The following KDM5B variants were observed in gnomAD, a reference collection of about 807,000 sequenced individuals.
KDM5B encodes lysine-specific demethylase 5B.
In KDM5B, 144 loss-of-function variants were observed where a neutral mutation model predicts 193.4. That is an observed-to-expected ratio of 0.74 (90% CI 0.65 to 0.86). The LOEUF (loss-of-function observed/expected upper bound fraction) is 0.86. Among genes scored for constraint, KDM5B ranks in the 40% least tolerant of loss-of-function variants. The pLI, the probability that KDM5B is intolerant of heterozygous loss-of-function variation, is 0.00. For synonymous variants in KDM5B, 668 were observed against 682.6 expected, an observed-to-expected ratio of 0.98 and a Z score of 0.33; for missense variants, 1,833 against 1,886.9, an observed-to-expected ratio of 0.97 and a Z score of 0.53.
rs529025098 is a variant in KDM5B, at chr1:202,736,267, T to C, written c.3210A>G (p.Lys1070=). Residue 1070 remains lysine, a synonymous_variant, in exon 21 of 27, where the codon AAA becomes AAG. Coordinates refer to ENST00000367265, the MANE Select transcript of KDM5B (RefSeq NM_006618.5). ...ETLVAEVQAW[K]ECAVNTFLTE... Reference sequence around the variant, plus strand: ...TCAAGAATGTATTAACAGCACATTCTTTCCAAGCCTGAACCTCAGCTACTA... The same window carrying C: ...TCAAGAATGTATTAACAGCACATTCCTTCCAAGCCTGAACCTCAGCTACTA... 1.9e-6 allele frequency: 3 copies of C among 1,610,142 alleles called. No individual in the cohort carries two copies. The South Asian group carries it at 3.3e-5, about 18-fold the overall frequency.
chr1:202,730,765 A>C (rs1424801630), intron 25 of KDM5B, 144 bp downstream of exon 25: 1 of 700,294 alleles, frequency 1.4e-6, no homozygotes, highest in African/African-American at 1.8e-5. Flanking sequence ...AGTATCCTTC[A>C]ACTAAGTCAG....
At chr1:202,760,061 C>A (rs1197249780) in intron 8 of KDM5B, among the ~76,000 whole-genome samples, 2 of 152,204 alleles carry the variant, frequency 1.3e-5, no homozygotes, top group East Asian at 3.9e-4. Flanking sequence ...ACCTGTAATC[C>A]CAGCAATTTG....
chr1:202,729,265 C>A, intron 26 of KDM5B, 92 bp from the exon 27 acceptor site: 1 of 1,385,488 alleles, frequency 7.2e-7, no homozygotes, highest in South Asian at 1.2e-5. Flanking sequence ...GGCCGTTTGC[C>A]AATAACAGCC....
chr1:202,783,456 G>T (rs562216101), intron 1 of KDM5B, among the ~76,000 whole-genome samples: 1 of 151,928 alleles, frequency 6.6e-6, no homozygotes, highest in Non-Finnish European at 1.5e-5. Context: ...AGTGAGCCAC[G>T]ATCATGCTAC....
chr1:202,744,698 A>G (rs1301610025), intron 16 of KDM5B, among the ~76,000 whole-genome samples: 11 of 152,246 alleles, frequency 7.2e-5, no homozygotes, highest in Admixed American at 1.3e-4. Context: ...CACTGTTGGT[A>G]GAAGTGTAAA....
At chr1:202,776,255 T>C (rs1656950325) in intron 2 of KDM5B, 1 of 152,088 alleles carries the variant, frequency 6.6e-6, no homozygotes, top group South Asian at 2.1e-4. Flanking sequence ...TTTAATTGAC[T>C]TTTTTAAAAA....
chr1:202,754,596 A>C lies in KDM5B; in HGVS notation c.1538+675T>G, dbSNP rs1437677287. 2.0e-5 allele frequency among the ~76,000 whole-genome samples: 3 copies of C among 152,340 alleles called. No individual in the cohort carries two copies. In the East Asian group the frequency reaches 5.8e-4, roughly 29 times the overall value. On this transcript the variant is annotated intron_variant, in intron 11 of 26. Coordinates refer to ENST00000367265, the MANE Select transcript of KDM5B (RefSeq NM_006618.5). ...CCTACTATAATTCACGCTTCTCCCA[A>C]AGGGGTATCCAGGCTAGCACTGCCA... is the stretch of plus-strand genomic sequence containing the variant.
chr1:202,755,492 T>C (rs781405152), intron 10 of KDM5B, 40 bp from the exon 11 acceptor site: 8 of 1,479,574 alleles, frequency 5.4e-6, no homozygotes, highest in East Asian at 4.6e-5. Flanking sequence ...GGTTTAGCTA[T>C]ACAATGCTAA....
chr1:202,768,473 C>A (rs1656566908), intron 4 of KDM5B, among the ~76,000 whole-genome samples: 1 of 152,106 alleles, frequency 6.6e-6, no homozygotes, highest in Non-Finnish European at 1.5e-5. Context: ...ATGAGATTCG[C>A]CCCTTTCCCC....
chr1:202,775,729 G>A (rs114474990), intron 2 of KDM5B, among the ~76,000 whole-genome samples: 8,747 of 146,874 alleles, frequency 0.06, 446 homozygotes, highest in East Asian at 0.25. Context: ...GGTGGTATAC[G>A]TCTGTAATGC....
chr1:202,735,773 G>C (rs1655069787), intron 21 of KDM5B, among the ~76,000 whole-genome samples, 186 bp from the exon 22 acceptor site: 1 of 152,208 alleles, frequency 6.6e-6, no homozygotes, highest in South Asian at 2.1e-4. Flanking sequence ...ATAAAAGATA[G>C]ACTGATTCCT....
intron 2 of KDM5B, chr1:202,776,056 C>T (rs965693305): frequency 4.6e-5 from 7 of 151,280 alleles, no homozygotes; most frequent in South Asian, 4.2e-4. Context: ...ATGGTGAAAC[C>T]CCATCTCTAC....
At chr1:202,769,895 C>G (rs1656642075) in intron 4 of KDM5B, among the ~76,000 whole-genome samples, 2 of 152,094 alleles carry the variant, frequency 1.3e-5, no homozygotes, top group African/African-American at 4.8e-5. Flanking sequence ...AATGTACTTT[C>G]TATTTGACAC....
intron 22 of KDM5B, among the ~76,000 whole-genome samples, chr1:202,734,869 C>T (rs1655037397): frequency 6.6e-6 from 1 of 152,212 alleles, no homozygotes; most frequent in Admixed American, 6.5e-5. Context: ...TATACATTCC[C>T]ACTCTAGAAC....
intron 23 of KDM5B, among the ~76,000 whole-genome samples, chr1:202,732,380 T>C (rs1654918713): frequency 6.6e-6 from 1 of 152,206 alleles, no homozygotes; most frequent in African/African-American, 2.4e-5. Context: ...TTAAAGGAGC[T>C]AGGGGAAACA....
intron 2 of KDM5B, among the ~76,000 whole-genome samples, chr1:202,775,398 G>A (rs1200344861): frequency 2.6e-5 from 4 of 151,252 alleles, no homozygotes; most frequent in African/African-American, 9.7e-5. Context: ...TTAGCTGGGC[G>A]TAGTGGCAGG....
chr1:202,747,457 T>A (rs1027999162), intron 14 of KDM5B, among the ~76,000 whole-genome samples: 2 of 152,020 alleles, frequency 1.3e-5, no homozygotes, highest in African/African-American at 4.8e-5. Flanking sequence ...TGGGCACTAT[T>A]TTCCCCCAAC....
At chr1:202,732,493 T>C (rs1558479041) in intron 23 of KDM5B, among the ~76,000 whole-genome samples, 2 of 152,168 alleles carry the variant, frequency 1.3e-5, no homozygotes, top group Admixed American at 6.5e-5. Flanking sequence ...GACTCCACTT[T>C]GGGAGTGTGC....
At chr1:202,761,778 G>GA (rs898233581) in intron 7 of KDM5B, among the ~76,000 whole-genome samples, 1 of 152,138 alleles carries the variant, frequency 6.6e-6, no homozygotes, top group Non-Finnish European at 1.5e-5. Context: ...ATACAACTGT[G>GA]AAAAAATAAA....
Sources: allele counts gnomAD v4.1 joint callset (sites outside exome capture counted in the v4.1 genomes callset), GRCh38; gene constraint gnomAD v4.1.1; transcripts MANE v1.5; gene names NCBI Gene and HGNC (gene_info 2026-07-23, HGNC 2026-07-21).